Variants in CSMD3 observed in about 807,000 individuals in gnomAD.
The protein encoded by CSMD3 is CUB and sushi domain-containing protein 3.
Under a neutral mutation model 435.2 loss-of-function variants are expected in CSMD3, and 177 were observed. The observed-to-expected ratio is 0.41, with a 90% CI of 0.36 to 0.46. The LOEUF (loss-of-function observed/expected upper bound fraction) is 0.46, where lower values mean the gene tolerates loss of function less well. Ranked by LOEUF, CSMD3 falls within the 20% of genes least tolerant of loss-of-function variation. CSMD3 has a pLI of 0.34. For missense variants in CSMD3, 4,265 were observed against 4,504.6 expected (o/e 0.95, Z 1.52); for synonymous variants, 1,656 against 1,520.5 (o/e 1.09, Z -2.07).
At chr8:112,866,623 T>G (rs757480419) in intron 10 of CSMD3, among the ~76,000 whole-genome samples, 2 of 152,148 alleles carry the variant, frequency 1.3e-5, no homozygotes, top group Non-Finnish European at 2.9e-5. Context: ...TGTTGTAGTC[T>G]TGCCCCTAGT....
chr8:113,170,248 A>G (rs967937070), intron 4 of CSMD3, among the ~76,000 whole-genome samples: 16 of 151,942 alleles, frequency 1.1e-4, no homozygotes, highest in South Asian at 2.1e-4. Context: ...ATGAATGACA[A>G]CTACACACAC....
rs948528332 is a variant in CSMD3 at position 112,954,892 on chromosome 8, C to T, written c.1343-131G>A. 4 of 634,760 alleles carry T rather than the reference C, an allele frequency of 6.3e-6. No individual in the cohort carries two copies. In the African/African-American group the frequency reaches 7.4e-5, roughly 12 times the overall value. The allele number at this position is 634,760 out of a possible 1,614,324, so 39.3% of individuals were successfully genotyped here. On this transcript the variant is annotated intron_variant, in intron 7 of 70. Coordinates refer to ENST00000297405, the MANE Select transcript of CSMD3 (RefSeq NM_198123.2). ...ACTTTCTTAAGCCTGATATAGTACC[C>T]AGAAGAATTTTTTTTAAAGCAATAT...
intron 13 of CSMD3, among the ~76,000 whole-genome samples, chr8:112,711,234 A>G (rs1460337473): frequency 6.6e-6 from 1 of 152,094 alleles, no homozygotes; most frequent in East Asian, 1.9e-4. Context: ...AAGAAGAAAA[A>G]AATTTTACCA....
At chr8:112,630,063 C>A (rs771241854) in intron 22 of CSMD3, among the ~76,000 whole-genome samples, 1 of 152,082 alleles carries the variant, frequency 6.6e-6, no homozygotes, top group Non-Finnish European at 1.5e-5. Context: ...AACCATGTGA[C>A]CTTGGAAGAG....
At chr8:112,303,471 T>C (rs1289875248) in intron 52 of CSMD3, among the ~76,000 whole-genome samples, 1 of 151,806 alleles carries the variant, frequency 6.6e-6, no homozygotes, top group African/African-American at 2.4e-5. Flanking sequence ...GACAGAATTG[T>C]TTGAACCTGG....
At chr8:112,294,739 C>A (rs1300496688) in intron 54 of CSMD3, among the ~76,000 whole-genome samples, 1 of 152,108 alleles carries the variant, frequency 6.6e-6, no homozygotes, top group Non-Finnish European at 1.5e-5. Flanking sequence ...TCTGTGAATT[C>A]ATATCTAATC....
chr8:112,952,516 A>C (rs2083858337), intron 8 of CSMD3, among the ~76,000 whole-genome samples: 1 of 151,692 alleles, frequency 6.6e-6, no homozygotes. Flanking sequence ...TAGATATATA[A>C]TAATGATACA....
intron 30 of CSMD3, among the ~76,000 whole-genome samples, chr8:112,500,659 T>G (rs546922588): frequency 6.6e-6 from 1 of 152,162 alleles, no homozygotes; most frequent in African/African-American, 2.4e-5. Flanking sequence ...TTCCTTTTAA[T>G]GAAAAGGAGC....
chr8:113,013,758 G>T (rs1221292319), intron 6 of CSMD3, among the ~76,000 whole-genome samples: 1 of 152,018 alleles, frequency 6.6e-6, no homozygotes, highest in Non-Finnish European at 1.5e-5. Flanking sequence ...CGAGTCCATT[G>T]TTTATGTAGT....
intron 5 of CSMD3, among the ~76,000 whole-genome samples, chr8:113,020,873 T>C (rs182745709): frequency 1.3e-5 from 2 of 152,226 alleles, no homozygotes; most frequent in African/African-American, 4.8e-5. Context: ...AAGGTGTAGG[T>C]ACAGGGATGC....
chr8:112,823,572 T>C (rs2079587974), intron 12 of CSMD3, among the ~76,000 whole-genome samples: 1 of 152,200 alleles, frequency 6.6e-6, no homozygotes. Flanking sequence ...CTTAATTTCA[T>C]TATTTACCCA....
intron 5 of CSMD3, among the ~76,000 whole-genome samples, chr8:113,086,826 G>A (rs1388994629): frequency 1.3e-5 from 2 of 152,092 alleles, no homozygotes; most frequent in Non-Finnish European, 2.9e-5. Flanking sequence ...TGAGTTTTCA[G>A]TTTAAATCAG....
intron 22 of CSMD3, among the ~76,000 whole-genome samples, chr8:112,593,669 T>C (rs1006061591): frequency 6.6e-6 from 1 of 151,976 alleles, no homozygotes; most frequent in East Asian, 1.9e-4. Context: ...CAAGGTACAC[T>C]CAGCAAGAGA....
intron 11 of CSMD3, among the ~76,000 whole-genome samples, chr8:112,834,870 A>G (rs144101528): frequency 0.011 from 1,700 of 151,972 alleles, 30 homozygotes; most frequent in African/African-American, 0.038. Context: ...TCATTTGTGG[A>G]GTAAATAAAC....
intron 30 of CSMD3, among the ~76,000 whole-genome samples, chr8:112,494,309 T>C (rs1359662905): frequency 7.7e-5 from 9 of 117,176 alleles, no homozygotes; most frequent in Non-Finnish European, 1.7e-5. Flanking sequence ...TTCTTTCTTT[T>C]ACTCTCTCCT....
intron 30 of CSMD3, among the ~76,000 whole-genome samples, chr8:112,496,787 C>T (rs1007218721): frequency 2.6e-5 from 4 of 151,798 alleles, no homozygotes; most frequent in African/African-American, 7.3e-5. Context: ...GGATGGTTAC[C>T]AGAGGCTGGG....
chr8:113,125,290 C>G (rs981389461), intron 4 of CSMD3, among the ~76,000 whole-genome samples: 1 of 151,976 alleles, frequency 6.6e-6, no homozygotes, highest in South Asian at 2.1e-4. Flanking sequence ...GTTTATGCCA[C>G]ATCTGTGTAT....
At chr8:112,752,942 CAG>C (rs1247927725) in intron 13 of CSMD3, among the ~76,000 whole-genome samples, 1 of 141,708 alleles carries the variant, frequency 7.1e-6, no homozygotes, top group Non-Finnish European at 1.5e-5. Context: ...TGTGTGTGTA[CAG>C]AGATAGGGTC....
intron 47 of CSMD3, among the ~76,000 whole-genome samples, chr8:112,315,697 T>A (rs1323598753): frequency 6.6e-6 from 1 of 151,828 alleles, no homozygotes; most frequent in Non-Finnish European, 1.5e-5. Flanking sequence ...TTTTGGGTGT[T>A]CTTACTGAGA....
Sources: allele counts gnomAD v4.1 joint callset (sites outside exome capture counted in the v4.1 genomes callset), GRCh38; gene constraint gnomAD v4.1.1; transcripts MANE v1.5; gene names NCBI Gene and HGNC (gene_info 2026-07-23, HGNC 2026-07-21).